The following ZNF680 variants were observed in gnomAD, a reference collection of about 807,000 sequenced individuals.
ZNF680 encodes zinc finger protein 680, also known as hypothetical protein FLJ90430.
Under a neutral mutation model 12.1 loss-of-function variants are expected in ZNF680, and 6 were observed. That is an observed-to-expected ratio of 0.49 (90% CI 0.27 to 0.98). ZNF680 has a LOEUF of 0.98. Among genes scored for constraint, ZNF680 ranks in the 50% least tolerant of loss-of-function variants. The probability of loss-of-function intolerance (pLI) is 0.12; values close to 1 mark genes in which losing one functional copy is unlikely to be tolerated. For synonymous variants in ZNF680, 170 were observed against 199.3 expected (o/e 0.85, Z 1.24); for missense variants, 561 against 616.3 (o/e 0.91, Z 0.95).
At chr7:64,551,656 A>G (rs991809866) in intron 1 of ZNF680, 4 of 153,356 alleles carry the variant, frequency 2.6e-5, no homozygotes, top group African/African-American at 9.6e-5. Context: ...GAGTCTGTAA[A>G]GAGACAGCTC....
chr7:64,527,165 G>T (rs1791903938), intron 3 of ZNF680, among the ~76,000 whole-genome samples: 2 of 152,118 alleles, frequency 1.3e-5, no homozygotes, highest in Non-Finnish European at 2.9e-5. Context: ...TTGAACCCAG[G>T]AGGCGGAGGC....
rs546320291 is a variant in ZNF680 at position 64,520,776 on chromosome 7, CTTATATTTG to C, written c.*376_*384del. The C allele has an allele frequency of 1.5e-3, 271 of 175,676 alleles. 1 individual carries two copies. Among genetic ancestry groups the C allele is most frequent in the African/African-American group, 6.1e-3 (253 of 41,690 alleles). The allele number at this position is 175,676 out of a possible 1,614,324, so 10.9% of individuals were successfully genotyped here. A position where few individuals can be genotyped will look rare whatever the true frequency, so the allele number is the denominator to read the frequency against. ...AAGGTACTACAACCCTCCTATGCTC[CTTATATTTG>C]TTATGTTTGTCTTCAAAATAAACAC... is the stretch of plus-strand genomic sequence containing the variant. On this transcript the variant is annotated 3_prime_UTR_variant, in exon 4 of 4. Coordinates refer to ENST00000309683, the MANE Select transcript of ZNF680 (RefSeq NM_178558.5).
At chr7:64,539,377 A>AG (rs1786374687) in intron 3 of ZNF680, among the ~76,000 whole-genome samples, 1 of 88,966 alleles carries the variant, frequency 1.1e-5, no homozygotes, top group African/African-American at 4.5e-5. Flanking sequence ...AAAAAAAAAG[A>AG]AAAGAAAATC....
At chr7:64,523,544 T>C (rs1454153569) in intron 3 of ZNF680, among the ~76,000 whole-genome samples, 3 of 152,102 alleles carry the variant, frequency 2.0e-5, no homozygotes, top group East Asian at 3.9e-4. Flanking sequence ...ATTATCCAAA[T>C]ATATACATAT....
chr7:64,547,167 T>A (rs111706348), intron 1 of ZNF680, among the ~76,000 whole-genome samples: 3,444 of 152,326 alleles, frequency 0.023, 57 homozygotes, highest in Admixed American at 0.039. Flanking sequence ...CTCTATGTAA[T>A]GTGATTCTGC....
intron 1 of ZNF680, among the ~76,000 whole-genome samples, chr7:64,553,287 T>C (rs1787183269): frequency 6.6e-6 from 1 of 152,224 alleles, no homozygotes; most frequent in African/African-American, 2.4e-5. Context: ...ATATGATTTA[T>C]ATGATTTACA....
chr7:64,519,390 G>C (rs1353300347), downstream of ZNF680, among the ~76,000 whole-genome samples: 2 of 151,830 alleles, frequency 1.3e-5, no homozygotes, highest in Non-Finnish European at 3.0e-5. Context: ...CTTCTGGTGT[G>C]AATGTAAATT....
intron 3 of ZNF680, among the ~76,000 whole-genome samples, chr7:64,540,811 T>C (rs1306699932): frequency 2.6e-5 from 4 of 152,288 alleles, no homozygotes; most frequent in Admixed American, 6.5e-5. Context: ...ATTAAAAAAT[T>C]TGTCTAGATA....
intron 1 of ZNF680, among the ~76,000 whole-genome samples, chr7:64,549,096 G>C (rs760491716): frequency 6.6e-6 from 1 of 151,278 alleles, no homozygotes; most frequent in Non-Finnish European, 1.5e-5. Flanking sequence ...CTCCAGCCTG[G>C]GCAATAGGGT....
Position 64,537,380 on chromosome 7 carries a change from G to A in ZNF680, c.253+6327C>T, listed in dbSNP as rs149845982. 3.0e-3 allele frequency among the ~76,000 whole-genome samples: 448 copies of A among 151,698 alleles called. 3 individuals are homozygous for A. Among genetic ancestry groups the A allele is most frequent in the African/African-American group, 0.011 (437 of 41,386 alleles). On this transcript the variant is annotated intron_variant, in intron 3 of 3. Transcript: ENST00000309683. ...ACTCTTTGACATAGTTTTGCTCAAG[G>A]GTCAAAAAATTTAATTTTGTTAAGA...
rs1787835631 is a variant in ZNF680, at chr7:64,563,043, G to C, written c.-89C>G. ...AGAATACACAGAGCAGTAAAGACTA[G>C]ACCTGGAGCTCCCGCAGCAGCTAGA... is the stretch of plus-strand genomic sequence containing the variant. On this transcript the variant is annotated 5_prime_UTR_variant, in exon 1 of 4. Transcript: ENST00000309683. 8 of 1,482,698 alleles carry C rather than the reference G, an allele frequency of 5.4e-6. No homozygotes were observed. The highest frequency in any genetic ancestry group is 4.5e-5 in the South Asian group (4 of 88,006). 91.8% of individuals were successfully genotyped at this position (1,482,698 alleles called of 1,614,324 possible).
chr7:64,556,858 G>C (rs1484587219), intron 1 of ZNF680, among the ~76,000 whole-genome samples: 1 of 152,148 alleles, frequency 6.6e-6, no homozygotes, highest in African/African-American at 2.4e-5. Flanking sequence ...ACTATCAATA[G>C]AGTAAACAAA....
At chr7:64,552,245 G>A (rs1317760583) in intron 1 of ZNF680, among the ~76,000 whole-genome samples, 2 of 152,136 alleles carry the variant, frequency 1.3e-5, no homozygotes, top group Non-Finnish European at 2.9e-5. Flanking sequence ...GTAGAGACAG[G>A]TTTCACTGTG....
At chr7:64,554,034 G>A (rs1787242170) in intron 1 of ZNF680, among the ~76,000 whole-genome samples, 1 of 151,708 alleles carries the variant, frequency 6.6e-6, no homozygotes, top group African/African-American at 2.4e-5. Flanking sequence ...GAGCGTCTCT[G>A]CCTGGCCGCC....
rs542916599 is a variant in ZNF680, at chr7:64,534,751, G to A, written c.253+8956C>T. On this transcript the variant is annotated intron_variant, in intron 3 of 3. Coordinates refer to ENST00000309683, the MANE Select transcript of ZNF680 (RefSeq NM_178558.5). Reference sequence around the variant, plus strand: ...GCACAATTTGCAATTGCAAAATCATGGAACCAACCCAAATGCCCATCAATC... The same window carrying A: ...GCACAATTTGCAATTGCAAAATCATAGAACCAACCCAAATGCCCATCAATC... 2.1e-3 allele frequency among the ~76,000 whole-genome samples: 322 copies of A among 152,256 alleles called. 3 individuals carry two copies. The highest frequency in any genetic ancestry group is 7.4e-3 in the African/African-American group (307 of 41,560).
intron 1 of ZNF680, among the ~76,000 whole-genome samples, chr7:64,553,870 G>A (rs1405514907): frequency 6.6e-6 from 1 of 152,214 alleles, no homozygotes; most frequent in Non-Finnish European, 1.5e-5. Flanking sequence ...TGCAGACGGA[G>A]TCTCGCTCAC....
chr7:64,560,649 T>C (rs1787683231), intron 1 of ZNF680, among the ~76,000 whole-genome samples: 1 of 151,970 alleles, frequency 6.6e-6, no homozygotes, highest in Non-Finnish European at 1.5e-5. Context: ...TCATCCCTAC[T>C]AAAAATACAA....
downstream of ZNF680, among the ~76,000 whole-genome samples, chr7:64,518,994 G>C (rs1160951443): frequency 2.6e-5 from 4 of 151,950 alleles, no homozygotes; most frequent in East Asian, 7.7e-4. Context: ...TAAACAGATG[G>C]GGCTTAATTA....
At position 64,520,082 on chromosome 7, in the gene ZNF680, C is replaced by T. The variant is rs932516871; in HGVS notation, c.*1079G>A. The stretch of plus-strand genomic sequence containing the variant: ...CCAAACACCTACCTCATGCATCACT[C>T]AATATGAAAAGTAAACTAACAGGGC... On this transcript the variant is annotated 3_prime_UTR_variant, in exon 4 of 4. Coordinates refer to ENST00000309683, the MANE Select transcript of ZNF680 (RefSeq NM_178558.5). 5 of 151,602 alleles carry T rather than the reference C, an allele frequency of 3.3e-5. No individual in the cohort carries two copies. Among genetic ancestry groups the T allele is most frequent in the Admixed American group, 3.3e-4 (5 of 15,218 alleles). The allele number at this position is 151,602 out of a possible 1,614,324, so 9.4% of individuals were successfully genotyped here.
Sources: gnomAD v4.1 joint callset for allele counts (sites outside exome capture counted in the v4.1 genomes callset) on GRCh38, gnomAD v4.1.1 for gene constraint, MANE v1.5 for transcripts, NCBI Gene and HGNC (gene_info 2026-07-23, HGNC 2026-07-21) for gene names.